Variants in G3BP1 observed in about 807,000 individuals in gnomAD.
G3BP1 encodes the protein ras GTPase-activating protein-binding protein 1.
In G3BP1, 35 loss-of-function variants were observed where a neutral mutation model predicts 58.6. The ratio of observed to expected loss-of-function variants is 0.60; its 90% CI spans 0.46 to 0.79. G3BP1 has a LOEUF of 0.79. G3BP1 is among the 30% of genes least tolerant of loss of function. The pLI, the probability that G3BP1 is intolerant of heterozygous loss-of-function variation, is 0.00. For missense variants in G3BP1, 523 were observed against 580.8 expected, an observed-to-expected ratio of 0.90 and a Z score of 1.02; for synonymous variants, 191 against 195.4, an observed-to-expected ratio of 0.98 and a Z score of 0.19.
At position 151,797,268 on chromosome 5, in the gene G3BP1, C is replaced by T; in HGVS notation, c.581C>T (p.Pro194Leu). 1 of 1,612,998 alleles carries T rather than the reference C, an allele frequency of 6.2e-7. No homozygotes were observed. Among genetic ancestry groups the T allele is most frequent in the South Asian group, 1.1e-5 (1 of 91,050 alleles). Residue 194 changes from proline (P) to leucine (L), a missense_variant, in exon 7 of 12, where the codon CCA becomes CTA. Physicochemically the swap from Pro to Leu is moderately conservative, Grantham distance 98 (BLOSUM62 -3). Coordinates refer to ENST00000356245, the MANE Select transcript of G3BP1 (RefSeq NM_005754.3). Reference sequence around the variant, plus strand: ...CATTTAGAGGAGCCTGTTGCTGAACCAGAGCCTGATCCTGAACCAGAACCA... The same window carrying T: ...CATTTAGAGGAGCCTGTTGCTGAACTAGAGCCTGATCCTGAACCAGAACCA... ...EEHLEEPVAE[P>L]EPDPEPEPEQ... is the part of the protein sequence containing the mutation.
intron 1 of G3BP1, among the ~76,000 whole-genome samples, chr5:151,775,960 C>G (rs1488186167): frequency 2.0e-5 from 3 of 152,164 alleles, no homozygotes; most frequent in Admixed American, 6.5e-5. Flanking sequence ...CTTATGTAAT[C>G]CAAGTACATT....
In G3BP1 at chr5:151,791,931, G is replaced by A. The variant is rs571912557; in HGVS notation, c.351+869G>A. 2.1e-4 allele frequency: 76 copies of A among 364,808 alleles called. 2 individuals carry two copies. Among genetic ancestry groups the A allele is most frequent in the South Asian group, 1.6e-3 (74 of 47,216 alleles). The allele number at this position is 364,808 out of a possible 1,614,324, so 22.6% of individuals were successfully genotyped here. A position where few individuals can be genotyped will look rare whatever the true frequency, so the allele number is the denominator to read the frequency against. On this transcript the variant is annotated intron_variant, in intron 4 of 11. Coordinates refer to ENST00000356245, the MANE Select transcript of G3BP1 (RefSeq NM_005754.3). ...CTCAGCCTCCGAAAGTGGGATTACA[G>A]GTGTGAGCCACCATGCCCAGCCTTA...
At chr5:151,784,233 CT>C (rs937918928) in intron 1 of G3BP1, among the ~76,000 whole-genome samples, 1 of 152,130 alleles carries the variant, frequency 6.6e-6, no homozygotes, top group African/African-American at 2.4e-5. Context: ...GTAGCTGAGA[CT>C]TTCAGGAATG....
intron 4 of G3BP1, among the ~76,000 whole-genome samples, chr5:151,793,868 G>T (rs995566170): frequency 3.3e-5 from 5 of 149,996 alleles, no homozygotes; most frequent in Admixed American, 3.3e-4. Context: ...AGAGAAATTA[G>T]CCTTGCATGG....
chr5:151,776,187 G>C (rs893183016), intron 1 of G3BP1, among the ~76,000 whole-genome samples: 2 of 152,166 alleles, frequency 1.3e-5, no homozygotes, highest in African/African-American at 4.8e-5. Flanking sequence ...TTAAGGATTA[G>C]ACTGAAGTTA....
intron 1 of G3BP1, among the ~76,000 whole-genome samples, chr5:151,783,319 AT>A (rs1293977631): frequency 1.3e-5 from 2 of 152,062 alleles, no homozygotes; most frequent in Admixed American, 6.6e-5. Context: ...AGAGATGACA[AT>A]TTTTTAGGAT....
chr5:151,811,496 A>G lies in G3BP1; in HGVS notation c.*7405A>G, dbSNP rs752639316. 19 of 152,206 alleles carry G rather than the reference A, an allele frequency of 1.2e-4. No homozygotes were observed. The highest frequency in any genetic ancestry group is 2.1e-4 in the South Asian group (1 of 4,824). 9.4% of individuals were successfully genotyped at this position (152,206 alleles called of 1,614,324 possible). A position where few individuals can be genotyped will look rare whatever the true frequency, so the allele number is the denominator to read the frequency against. Reference sequence around the variant, plus strand: ...TAATAATTATGAGTTAACCACAGAAAATTTCAGAAAACTTTAATTTTTTTC... The same window carrying G: ...TAATAATTATGAGTTAACCACAGAAGATTTCAGAAAACTTTAATTTTTTTC... On this transcript the variant is annotated 3_prime_UTR_variant, in exon 12 of 12. Coordinates refer to ENST00000356245, the MANE Select transcript of G3BP1 (RefSeq NM_005754.3).
At position 151,808,209 on chromosome 5, in the gene G3BP1, G is replaced by C. The variant is rs1471675660; in HGVS notation, c.*4118G>C. ...TAATGTTGAGATTCTGGGGACCATA[G>C]GTGGGCCTGTCAACTCTTAACAGAC... On this transcript the variant is annotated 3_prime_UTR_variant, in exon 12 of 12. Transcript: ENST00000356245. 6.6e-6 allele frequency: 1 copy of C among 152,198 alleles called. No homozygotes were observed. Among genetic ancestry groups the C allele is most frequent in the Non-Finnish European group, 1.5e-5 (1 of 68,032 alleles). The allele number at this position is 152,198 out of a possible 1,614,324, so 9.4% of individuals were successfully genotyped here.
chr5:151,778,209 C>A (rs1378378543), intron 1 of G3BP1, among the ~76,000 whole-genome samples: 1 of 152,128 alleles, frequency 6.6e-6, no homozygotes, highest in South Asian at 2.1e-4. Context: ...TTTACATTGC[C>A]ACCAGCGATG....
rs1045094940 is a variant in G3BP1 at position 151,811,008 on chromosome 5, A to G, written c.*6917A>G. On this transcript the variant is annotated 3_prime_UTR_variant, in exon 12 of 12. Coordinates refer to ENST00000356245, the MANE Select transcript of G3BP1 (RefSeq NM_005754.3). The stretch of plus-strand genomic sequence containing the variant: ...TTTGCAAAAACTTGTTCCTTCTTTC[A>G]GTTCATGACATCATCCATGCTAAAG... The G allele has an allele frequency of 6.6e-6, 1 of 152,142 alleles. No homozygotes were observed. Among genetic ancestry groups the G allele is most frequent in the Admixed American group, 6.5e-5 (1 of 15,274 alleles). 9.4% of individuals were successfully genotyped at this position (152,142 alleles called of 1,614,324 possible).
At chr5:151,774,145 C>G (rs1349237830) in intron 1 of G3BP1, among the ~76,000 whole-genome samples, 1 of 152,188 alleles carries the variant, frequency 6.6e-6, no homozygotes, top group African/African-American at 2.4e-5. Context: ...CCTACCAAGT[C>G]ATACGTCAGT....
rs546371373 is a variant in G3BP1, at chr5:151,799,422, A to G, written c.843+109A>G. The G allele has an allele frequency of 2.2e-5, 15 of 683,370 alleles. No individual in the cohort carries two copies. The Admixed American group carries it at 2.2e-4, about 10-fold the overall frequency. The allele number at this position is 683,370 out of a possible 1,614,324, so 42.3% of individuals were successfully genotyped here. On this transcript the variant is annotated intron_variant, in intron 8 of 11. Transcript: ENST00000356245. ...AAACTGGTCAGGTGCAGTGTGGCTC[A>G]TGCCTGTAATCCCAGCACTTTAGGA...
At chr5:151,802,054 T>G (rs1762862686) in intron 11 of G3BP1, among the ~76,000 whole-genome samples, 1 of 152,182 alleles carries the variant, frequency 6.6e-6, no homozygotes, top group Non-Finnish European at 1.5e-5. Flanking sequence ...TGACCTCAGG[T>G]GATCCGCTGA....
intron 11 of G3BP1, among the ~76,000 whole-genome samples, chr5:151,801,799 G>C (rs1393247004): frequency 6.6e-6 from 1 of 151,604 alleles, no homozygotes; most frequent in Non-Finnish European, 1.5e-5. Flanking sequence ...TGGGCATACT[G>C]CAAAGTTTTT....
At position 151,778,517 on chromosome 5, in the gene G3BP1, C is replaced by T. The variant is rs148243238; in HGVS notation, c.-50+6481C>T. ...AGTGCAGTGGCGCCATCTCTGCTCA[C>T]TACAACCTCTGCCTCCTGGGTTTAG... On this transcript the variant is annotated intron_variant, in intron 1 of 11. Coordinates refer to ENST00000356245, the MANE Select transcript of G3BP1 (RefSeq NM_005754.3). Among the ~76,000 whole-genome samples the T allele has an allele frequency of 9.2e-5, 14 of 152,256 alleles. No homozygotes were observed. In the East Asian group the frequency reaches 2.7e-3, roughly 30 times the overall value.
rs1762945252 is a variant in G3BP1 at position 151,806,839 on chromosome 5, G to T, written c.*2748G>T. On this transcript the variant is annotated 3_prime_UTR_variant, in exon 12 of 12. Coordinates refer to ENST00000356245, the MANE Select transcript of G3BP1 (RefSeq NM_005754.3). ...TATAGAGGCAAGGTCTTGCTATGTT[G>T]TCAGGCTGGTCTCAAGCTCCTGGCC... 6.6e-6 allele frequency: 1 copy of T among 151,936 alleles called. No homozygotes were observed. The allele number at this position is 151,936 out of a possible 1,614,324, so 9.4% of individuals were successfully genotyped here. A position where few individuals can be genotyped will look rare whatever the true frequency, so the allele number is the denominator to read the frequency against.
chr5:151,789,455 T>C (rs962235721), intron 2 of G3BP1, among the ~76,000 whole-genome samples: 6 of 152,206 alleles, frequency 3.9e-5, no homozygotes, highest in African/African-American at 9.6e-5. Flanking sequence ...TGTGTTGCTT[T>C]CCTGGTAGAA....
intron 4 of G3BP1, 124 bp downstream of exon 4, chr5:151,791,186 A>C: frequency 1.3e-6 from 1 of 796,922 alleles, no homozygotes; most frequent in Non-Finnish European, 2.2e-6. Flanking sequence ...ATAATAGTAC[A>C]CTAACTCCTA....
At chr5:151,803,516 G>A (rs963306849) in intron 11 of G3BP1, among the ~76,000 whole-genome samples, 1 of 151,308 alleles carries the variant, frequency 6.6e-6, no homozygotes, top group Non-Finnish European at 1.5e-5. Flanking sequence ...TTTCTGAGTC[G>A]GAGTCTCGCT....
Sources: gnomAD v4.1 joint callset for allele counts (sites outside exome capture counted in the v4.1 genomes callset) on GRCh38, gnomAD v4.1.1 for gene constraint, MANE v1.5 for transcripts, NCBI Gene and HGNC (gene_info 2026-07-23, HGNC 2026-07-21) for gene names.